Variants in DNAH8 observed in about 807,000 individuals in gnomAD.
DNAH8 encodes axonemal beta dynein heavy chain 8.
DNAH8 carries 382 observed loss-of-function variants against 562.1 expected under a neutral mutation model. The ratio of observed to expected loss-of-function variants is 0.68; its 90% CI spans 0.63 to 0.74. The LOEUF is 0.74. Ranked by LOEUF, DNAH8 falls within the 30% of genes least tolerant of loss-of-function variation. The probability of loss-of-function intolerance (pLI) is 0.00; values close to 1 mark genes in which losing one functional copy is unlikely to be tolerated. For synonymous variants in DNAH8, 1,881 were observed against 1,919.4 expected (o/e 0.98, Z 0.52); for missense variants, 5,203 against 5,620.4 (o/e 0.93, Z 2.37).
In DNAH8 at chr6:38,923,327, T is replaced by C. The variant is rs1205521932; in HGVS notation, c.10790+142T>C. On this transcript the variant is annotated intron_variant, in intron 72 of 92. Coordinates refer to ENST00000327475, the MANE Select transcript of DNAH8 (RefSeq NM_001206927.2). ...AATCATGCACTCTCAGGTGAAATAC[T>C]ATAGAGGGTGAAGAAGATTTTGTGA... 5.1e-6 allele frequency: 5 copies of C among 973,982 alleles called. No individual in the cohort carries two copies. The Admixed American group carries it at 1.5e-4, about 29-fold the overall frequency. 60.3% of individuals were successfully genotyped at this position (973,982 alleles called of 1,614,324 possible). A position where few individuals can be genotyped will look rare whatever the true frequency, so the allele number is the denominator to read the frequency against.
intron 79 of DNAH8, among the ~76,000 whole-genome samples, chr6:38,943,442 A>T (rs1393835733): frequency 6.6e-6 from 1 of 152,102 alleles, no homozygotes; most frequent in Non-Finnish European, 1.5e-5. Context: ...TGGAAGAGTT[A>T]TTTATCCTAG....
intron 21 of DNAH8, among the ~76,000 whole-genome samples, chr6:38,800,826 G>A (rs1770721052): frequency 6.6e-6 from 1 of 152,102 alleles, no homozygotes; most frequent in African/African-American, 2.4e-5. Flanking sequence ...CCTGCCTCCT[G>A]TGCTTATTAA....
At chr6:38,887,940 G>A (rs892264671) in intron 57 of DNAH8, among the ~76,000 whole-genome samples, 2 of 148,558 alleles carry the variant, frequency 1.3e-5, no homozygotes, top group Non-Finnish European at 3.0e-5. Flanking sequence ...GGGTTCAAGC[G>A]ATTCTCCTGC....
At position 39,026,536 on chromosome 6, in the gene DNAH8, T is replaced by C; in HGVS notation, c.13715-10T>C. ...ACAAGGCTTCAACATCTCTTCTTTT[T>C]TTCTTTAAGGCTTCCTCACAGCAAT... On this transcript the variant is annotated splice_polypyrimidine_tract_variant and intron_variant, in intron 91 of 92. Coordinates refer to ENST00000327475, the MANE Select transcript of DNAH8 (RefSeq NM_001206927.2). The C allele has an allele frequency of 1.9e-6, 3 of 1,599,120 alleles. No individual in the cohort carries two copies. The highest frequency in any genetic ancestry group is 2.6e-6 in the Non-Finnish European group (3 of 1,174,024).
chr6:38,737,729 T>C (rs1764207025), intron 6 of DNAH8, 80 bp from the exon 7 acceptor site: 2 of 619,032 alleles, frequency 3.2e-6, no homozygotes. Flanking sequence ...TACTATTAAA[T>C]ATTATTTAAT....
At chr6:39,005,130 G>A (rs1036701396) in intron 88 of DNAH8, among the ~76,000 whole-genome samples, 3 of 152,116 alleles carry the variant, frequency 2.0e-5, no homozygotes, top group African/African-American at 7.2e-5. Flanking sequence ...GACTGCATCA[G>A]GCCGGGAGCA....
intron 36 of DNAH8, among the ~76,000 whole-genome samples, chr6:38,846,032 C>A (rs1048834454): frequency 2.0e-5 from 3 of 151,992 alleles, no homozygotes; most frequent in Admixed American, 6.6e-5. Context: ...GGCATCTTGT[C>A]CTCTGAAGGT....
intron 58 of DNAH8, among the ~76,000 whole-genome samples, chr6:38,894,402 A>G (rs1779540673): frequency 2.6e-5 from 4 of 152,232 alleles, no homozygotes; most frequent in Admixed American, 2.0e-4. Flanking sequence ...GTCCTTAAGA[A>G]TTCAGGGGAG....
intron 42 of DNAH8, 41 bp downstream of exon 42, chr6:38,857,783 A>C (rs187687065): frequency 7.9e-7 from 1 of 1,266,826 alleles, no homozygotes; most frequent in South Asian, 1.3e-5. Context: ...CTAACTAATA[A>C]TGAACAGCTA....
chr6:38,775,825 T>C lies in DNAH8; in HGVS notation c.1836T>C (p.Ile612=). Residue 612 remains isoleucine, a synonymous_variant, in exon 13 of 93, where the codon ATT becomes ATC. Transcript: ENST00000327475. The part of the protein sequence containing the change: ...LSNSTIEGID[I]MAIKFRNIYQ... The stretch of plus-strand genomic sequence containing the variant: ...ATTCTACCATAGAAGGAATAGATAT[T>C]ATGGCAATAAAATTCAGAAATATAT... 6.2e-7 allele frequency: 1 copy of C among 1,600,906 alleles called. No homozygotes were observed. Among genetic ancestry groups the C allele is most frequent in the Non-Finnish European group, 8.6e-7 (1 of 1,168,250 alleles).
intron 73 of DNAH8, chr6:38,924,797 A>T (rs1322662970): frequency 6.6e-6 from 1 of 152,280 alleles, no homozygotes; most frequent in Non-Finnish European, 1.5e-5. Context: ...TGTAGGCATG[A>T]TCTGTGCTGG....
At chr6:38,880,194 C>G (rs529506185) in intron 53 of DNAH8, among the ~76,000 whole-genome samples, 1 of 152,274 alleles carries the variant, frequency 6.6e-6, no homozygotes, top group South Asian at 2.1e-4. Flanking sequence ...TTGCAGTGAG[C>G]TGAGATTGTG....
At chr6:38,858,863 C>T (rs1303775739) in intron 42 of DNAH8, among the ~76,000 whole-genome samples, 1 of 152,164 alleles carries the variant, frequency 6.6e-6, no homozygotes, top group Non-Finnish European at 1.5e-5. Flanking sequence ...TATCTGCTGT[C>T]AGCATACGTT....
intron 57 of DNAH8, among the ~76,000 whole-genome samples, chr6:38,887,470 A>G (rs1355400805): frequency 6.6e-6 from 1 of 152,198 alleles, no homozygotes; most frequent in African/African-American, 2.4e-5. Context: ...ACTTTGGAAG[A>G]CCAAGGTGAG....
intron 88 of DNAH8, among the ~76,000 whole-genome samples, chr6:38,991,945 G>A (rs1462663898): frequency 6.6e-6 from 1 of 151,082 alleles, no homozygotes; most frequent in Non-Finnish European, 1.5e-5. Context: ...TCTATAGTTT[G>A]TATCACCCAC....
chr6:38,821,710 G>A (rs549795313), intron 26 of DNAH8, among the ~76,000 whole-genome samples: 1 of 152,086 alleles, frequency 6.6e-6, no homozygotes, highest in South Asian at 2.1e-4. Flanking sequence ...CTACCGGCAC[G>A]TGCCACCATG....
chr6:38,793,111 C>T (rs1769909940), intron 21 of DNAH8, among the ~76,000 whole-genome samples: 1 of 151,914 alleles, frequency 6.6e-6, no homozygotes, highest in Admixed American at 6.6e-5. Context: ...GTTTTGGGGT[C>T]TTGACTATAA....
At chr6:38,761,330 A>G (rs1387447176) in intron 10 of DNAH8, among the ~76,000 whole-genome samples, 3 of 132,202 alleles carry the variant, frequency 2.3e-5, no homozygotes, top group East Asian at 4.5e-4. Context: ...CTCATTGTTC[A>G]GTTCCCACCT....
chr6:38,756,089 T>C lies in DNAH8; in HGVS notation c.1515+10T>C, dbSNP rs1403758237. 1 of 1,472,474 alleles carries C rather than the reference T, an allele frequency of 6.8e-7. No homozygotes were observed. The highest frequency in any genetic ancestry group is 1.1e-5 in the South Asian group (1 of 87,960). 91.2% of individuals were successfully genotyped at this position (1,472,474 alleles called of 1,614,324 possible). A position where few individuals can be genotyped will look rare whatever the true frequency, so the allele number is the denominator to read the frequency against. On this transcript the variant is annotated intron_variant, in intron 10 of 92. Transcript: ENST00000327475. Reference sequence around the variant, plus strand: ...CTCATTGTTTATCAAGGTAAGTTTCTGTGGGAGGAAATTACATGTCATCCT... The same window carrying C: ...CTCATTGTTTATCAAGGTAAGTTTCCGTGGGAGGAAATTACATGTCATCCT...
Sources: allele counts gnomAD v4.1 joint callset (sites outside exome capture counted in the v4.1 genomes callset), GRCh38; gene constraint gnomAD v4.1.1; transcripts MANE v1.5; gene names NCBI Gene and HGNC (gene_info 2026-07-23, HGNC 2026-07-21).